PEX5L: variants seen among roughly 807,000 people sequenced by gnomAD.
The protein encoded by PEX5L is peroxisomal biogenesis factor 5 like, also known as PEX5-related protein.
Under a neutral mutation model 84.0 loss-of-function variants are expected in PEX5L, and 30 were observed. The ratio of observed to expected loss-of-function variants is 0.36; its 90% CI spans 0.27 to 0.48. PEX5L has a LOEUF of 0.48. Ranked by LOEUF, PEX5L falls within the 20% of genes least tolerant of loss-of-function variation. The probability of loss-of-function intolerance (pLI) is 0.99; values close to 1 mark genes in which losing one functional copy is unlikely to be tolerated. For synonymous variants in PEX5L, 270 were observed against 283.1 expected (o/e 0.95, Z 0.46); for missense variants, 533 against 754.6 (o/e 0.71, Z 3.44).
At chr3:179,997,442 T>C (rs1168214165) in intron 1 of PEX5L, among the ~76,000 whole-genome samples, 2 of 152,170 alleles carry the variant, frequency 1.3e-5, no homozygotes, top group Admixed American at 1.3e-4. Context: ...AACCCCCACA[T>C]TGGCTCCCTG....
intron 2 of PEX5L, among the ~76,000 whole-genome samples, chr3:179,947,616 T>C (rs994996530): frequency 6.6e-6 from 1 of 151,952 alleles, no homozygotes; most frequent in Non-Finnish European, 1.5e-5. Context: ...ATAAAGATAG[T>C]ACTGACGCAA....
intron 1 of PEX5L, among the ~76,000 whole-genome samples, chr3:180,028,744 G>C (rs542035439): frequency 2.6e-5 from 4 of 152,268 alleles, no homozygotes; most frequent in Admixed American, 6.5e-5. Context: ...TTTTTCAAAG[G>C]TTCTTTAAAC....
At chr3:179,841,181 A>G (rs148797308) in intron 8 of PEX5L, among the ~76,000 whole-genome samples, 1 of 152,252 alleles carries the variant, frequency 6.6e-6, no homozygotes, top group African/African-American at 2.4e-5. Flanking sequence ...AGCTTGAATG[A>G]TTCAGTTTCT....
At chr3:179,870,542 G>A (rs1215310414) in intron 7 of PEX5L, among the ~76,000 whole-genome samples, 5 of 152,130 alleles carry the variant, frequency 3.3e-5, no homozygotes, top group African/African-American at 9.7e-5. Context: ...CTTGGCTAAC[G>A]GACTTGCATT....
intron 3 of PEX5L, among the ~76,000 whole-genome samples, chr3:179,896,591 A>G (rs763060843): frequency 1.3e-5 from 2 of 152,168 alleles, no homozygotes; most frequent in Non-Finnish European, 2.9e-5. Flanking sequence ...AGATTATCAG[A>G]AAGTACACAG....
In PEX5L at chr3:179,947,708, T is replaced by C. The variant is rs913697533; in HGVS notation, c.93+23886A>G. Among the ~76,000 whole-genome samples, 18 of 90,250 alleles carry C rather than the reference T, an allele frequency of 2.0e-4. No homozygotes were observed. The East Asian group carries it at 5.8e-3, about 29-fold the overall frequency. The allele number at this position is 90,250 out of a possible 152,430, so 59.2% of individuals were successfully genotyped here. A position where few individuals can be genotyped will look rare whatever the true frequency, so the allele number is the denominator to read the frequency against. On this transcript the variant is annotated intron_variant, in intron 2 of 14. Coordinates refer to ENST00000467460, the MANE Select transcript of PEX5L (RefSeq NM_016559.3). ...TTTTAAATGTAATAATCAAAAAAGT[T>C]ACTTTTTTTTTTTTTTGAGACGGAG...
At chr3:179,874,738 G>GTTTTTTTTTTTTT in intron 6 of PEX5L, among the ~76,000 whole-genome samples, 523 of 45,984 alleles carry the variant, frequency 0.011, 2 homozygotes, top group Non-Finnish European at 0.014. Flanking sequence ...TTTTTTTTTT[G>GTTTTTTTTTTTTT]TTTTTTTTTT....
intron 2 of PEX5L, among the ~76,000 whole-genome samples, chr3:179,941,962 A>G (rs1377786043): frequency 1.4e-5 from 2 of 141,446 alleles, no homozygotes; most frequent in Non-Finnish European, 3.0e-5. Flanking sequence ...CGGAGGTTGC[A>G]GTGAGCCCAG....
At chr3:179,890,513 GA>G (rs967914981) in intron 3 of PEX5L, among the ~76,000 whole-genome samples, 2 of 151,958 alleles carry the variant, frequency 1.3e-5, no homozygotes, top group East Asian at 1.9e-4. Flanking sequence ...TTATTTCTTT[GA>G]AAAAAAGTTT....
Position 179,879,941 on chromosome 3 carries a change from A to G in PEX5L, c.493T>C (p.Ser165Pro). ...GQPLRVPETS[S>P]LDLDIQTQLE... Reference sequence around the variant, plus strand: ...GCGATTGCCTTACCTAGATCTAAGGATGAAGTCTCCGGGACTCTGAGAGGC... The same window carrying G: ...GCGATTGCCTTACCTAGATCTAAGGGTGAAGTCTCCGGGACTCTGAGAGGC... Residue 165 changes from serine (S) to proline (P), a missense_variant, in exon 5 of 15, where the codon TCC becomes CCC. Physicochemically the swap from Ser to Pro is moderately conservative, Grantham distance 74. This residue lies in a region of PEX5L where 259 missense variants were observed against 301.7 expected (regional missense o/e 0.86). Coordinates refer to ENST00000467460, the MANE Select transcript of PEX5L (RefSeq NM_016559.3). 1 of 1,588,262 alleles carries G rather than the reference A, an allele frequency of 6.3e-7. No homozygotes were observed. Among genetic ancestry groups the G allele is most frequent in the Middle Eastern group, 1.7e-4 (1 of 5,872 alleles).
rs1718364158 is a variant in PEX5L at position 179,799,909 on chromosome 3, A to G, written c.*1919T>C. On this transcript the variant is annotated 3_prime_UTR_variant, in exon 15 of 15. Transcript: ENST00000467460. Reference sequence around the variant, plus strand: ...GGTCTGAGACTGGGTGGTCGCTGCTACCCATGATGAGTGCCTGAATGCCTC... The same window carrying G: ...GGTCTGAGACTGGGTGGTCGCTGCTGCCCATGATGAGTGCCTGAATGCCTC... 6.6e-6 allele frequency: 1 copy of G among 152,190 alleles called. No individual in the cohort carries two copies. Among genetic ancestry groups the G allele is most frequent in the African/African-American group, 2.4e-5 (1 of 41,410 alleles). The allele number at this position is 152,190 out of a possible 1,614,324, so 9.4% of individuals were successfully genotyped here. A position where few individuals can be genotyped will look rare whatever the true frequency, so the allele number is the denominator to read the frequency against.
intron 2 of PEX5L, among the ~76,000 whole-genome samples, chr3:179,913,579 C>G (rs978853497): frequency 6.6e-6 from 1 of 151,916 alleles, no homozygotes; most frequent in African/African-American, 2.4e-5. Context: ...TTGAGCTTTT[C>G]TTTGAAAAGT....
At chr3:179,917,664 T>A (rs1469131443) in intron 2 of PEX5L, among the ~76,000 whole-genome samples, 2 of 152,202 alleles carry the variant, frequency 1.3e-5, no homozygotes, top group Non-Finnish European at 2.9e-5. Flanking sequence ...CGTCTTTTTT[T>A]TTTGAGACGG....
intron 1 of PEX5L, among the ~76,000 whole-genome samples, chr3:180,033,607 A>G (rs1464468928): frequency 1.3e-5 from 2 of 152,226 alleles, no homozygotes; most frequent in African/African-American, 4.8e-5. Flanking sequence ...CTGAACATAC[A>G]GAGGTATTGG....
At chr3:180,032,437 T>A (rs1791544168) in intron 1 of PEX5L, among the ~76,000 whole-genome samples, 1 of 152,142 alleles carries the variant, frequency 6.6e-6, no homozygotes, top group Non-Finnish European at 1.5e-5. Flanking sequence ...TCTAAACTAA[T>A]CTCAAAGACT....
intron 1 of PEX5L, among the ~76,000 whole-genome samples, chr3:179,996,789 C>T (rs1401154393): frequency 6.6e-6 from 1 of 152,142 alleles, no homozygotes; most frequent in Non-Finnish European, 1.5e-5. Context: ...CAGCTTTCAA[C>T]CAACAAAGGC....
chr3:179,821,913 C>T (rs1235249522), intron 8 of PEX5L, among the ~76,000 whole-genome samples: 2 of 152,244 alleles, frequency 1.3e-5, no homozygotes, highest in African/African-American at 4.8e-5. Flanking sequence ...TCATACTTTT[C>T]CTACTTTCTG....
chr3:179,985,576 T>C (rs187490588), intron 1 of PEX5L, among the ~76,000 whole-genome samples: 4 of 152,076 alleles, frequency 2.6e-5, no homozygotes, highest in Admixed American at 2.6e-4. Context: ...CTTTAATCAC[T>C]TCTTCCCTGT....
chr3:180,021,202 G>A lies in PEX5L; in HGVS notation c.21+15377C>T, dbSNP rs147072756. On this transcript the variant is annotated intron_variant, in intron 1 of 14. Transcript: ENST00000467460. ...AGAATGTGGGTGACCCGGTCAGAGAGAACATCACTAGAGAAGGCCAGAGGC... is the reference window on the plus strand; with the variant it reads ...AGAATGTGGGTGACCCGGTCAGAGAAAACATCACTAGAGAAGGCCAGAGGC... Among the ~76,000 whole-genome samples, 65 of 152,300 alleles carry A rather than the reference G, an allele frequency of 4.3e-4. 1 individual carries two copies. In the East Asian group the frequency reaches 0.011, roughly 26 times the overall value.
Sources: allele counts gnomAD v4.1 joint callset (sites outside exome capture counted in the v4.1 genomes callset), GRCh38; gene constraint gnomAD v4.1.1; regional missense constraint gnomAD v4.1.1; transcripts MANE v1.5; gene names NCBI Gene and HGNC (gene_info 2026-07-23, HGNC 2026-07-21).